TGFB1: variants seen among roughly 807,000 people sequenced by gnomAD.
TGFB1 encodes the protein transforming growth factor beta-1 proprotein.
TGFB1 carries 19 observed loss-of-function variants against 43.8 expected under a neutral mutation model. That is an observed-to-expected ratio of 0.43 (90% CI 0.30 to 0.64). The LOEUF is 0.64. Ranked by LOEUF, TGFB1 falls within the 30% of genes least tolerant of loss-of-function variation. TGFB1 has a pLI of 0.11. For synonymous variants in TGFB1, 221 were observed against 236.3 expected, an observed-to-expected ratio of 0.94 and a Z score of 0.60; for missense variants, 445 against 529.8, an observed-to-expected ratio of 0.84 and a Z score of 1.57.
At position 41,331,226 on chromosome 19, in the gene TGFB1, G is replaced by A. The variant is rs893399552; in HGVS notation, c.1015-16C>T. 2.0e-6 allele frequency: 3 copies of A among 1,506,112 alleles called. No individual in the cohort carries two copies. Among genetic ancestry groups the A allele is most frequent in the East Asian group, 2.5e-5 (1 of 39,620 alleles). The allele number at this position is 1,506,112 out of a possible 1,614,324, so 93.3% of individuals were successfully genotyped here. ...GGGCCAGGACCTGCGGGCGGCGGGC[G>A]GGGTCAGGGCTCAGGGCTCGTGGAG... is the stretch of plus-strand genomic sequence containing the variant. On this transcript the variant is annotated splice_polypyrimidine_tract_variant and intron_variant, in intron 6 of 6. Coordinates refer to ENST00000221930, the MANE Select transcript of TGFB1 (RefSeq NM_000660.7).
intron 1 of TGFB1, among the ~76,000 whole-genome samples, chr19:41,350,307 C>CTTTTT (rs55873066): frequency 5.0e-4 from 60 of 119,666 alleles, no homozygotes; most frequent in East Asian, 1.3e-3. Flanking sequence ...GTTTTCTTTT[C>CTTTTT]TTTTTTTTTT....
chr19:41,353,883 T>G lies in TGFB1; in HGVS notation c.-839A>C, dbSNP rs1468649504. The G allele has an allele frequency of 1.2e-5, 2 of 173,734 alleles. No individual in the cohort carries two copies. The highest frequency in any genetic ancestry group is 2.5e-5 in the African/African-American group (1 of 40,674). 10.8% of individuals were successfully genotyped at this position (173,734 alleles called of 1,614,324 possible). On this transcript the variant is annotated 5_prime_UTR_variant, in exon 1 of 7. Coordinates refer to ENST00000221930, the MANE Select transcript of TGFB1 (RefSeq NM_000660.7). This position sits in a 1 kb window ranked among gnomAD's most constrained non-coding sequence, Gnocchi z 5.9. ...TGTCTGGCTGCTCCGCGGAGGGAGGTGGGAGGGAGATGGCCCAGGGCGCGA... is the reference window on the plus strand; with the variant it reads ...TGTCTGGCTGCTCCGCGGAGGGAGGGGGGAGGGAGATGGCCCAGGGCGCGA...
At chr19:41,338,963 G>T (rs1324150150) in intron 5 of TGFB1, among the ~76,000 whole-genome samples, 1 of 144,078 alleles carries the variant, frequency 6.9e-6, no homozygotes, top group Non-Finnish European at 1.5e-5. Context: ...GGTTGCATGG[G>T]GGGTACGTGT....
chr19:41,334,339 G>A (rs2037966235), intron 5 of TGFB1, among the ~76,000 whole-genome samples: 1 of 151,558 alleles, frequency 6.6e-6, no homozygotes, highest in South Asian at 2.1e-4. Context: ...TCGTGCCACT[G>A]CACTCCACCC....
intron 1 of TGFB1, among the ~76,000 whole-genome samples, chr19:41,349,193 T>C (rs536691358): frequency 5.9e-5 from 9 of 152,324 alleles, no homozygotes; most frequent in African/African-American, 1.9e-4. Flanking sequence ...TGTGTGACCA[T>C]GGGCAGTTAA....
intron 5 of TGFB1, among the ~76,000 whole-genome samples, chr19:41,341,466 C>CA (rs770264069): frequency 0.031 from 1,075 of 34,688 alleles, 73 homozygotes; most frequent in African/African-American, 0.059. Context: ...GACTCTGTCT[C>CA]AAAAAAAAAA....
At chr19:41,352,559 C>T in intron 1 of TGFB1, 131 bp downstream of exon 1, 2 of 1,101,858 alleles carry the variant, frequency 1.8e-6, no homozygotes, top group Non-Finnish European at 2.7e-6. Flanking sequence ...CACCATCACA[C>T]GTTCCCTTTG....
rs549543575 is a variant in TGFB1, at chr19:41,342,496, C to T, written c.635-249G>A. Among the ~76,000 whole-genome samples the T allele has an allele frequency of 2.4e-4, 35 of 146,946 alleles. 1 individual carries two copies. Among genetic ancestry groups the T allele is most frequent in the Non-Finnish European group, 4.6e-4 (31 of 66,982 alleles). ...TCCCGAGTAGCTGGGACCACAGGCG[C>T]GTGCTACCACGCATGGCTAATTTTT... is the stretch of plus-strand genomic sequence containing the variant. On this transcript the variant is annotated intron_variant, in intron 3 of 6. Transcript: ENST00000221930.
chr19:41,350,916 G>A (rs1003850360), intron 1 of TGFB1: 2 of 152,492 alleles, frequency 1.3e-5, no homozygotes, highest in African/African-American at 4.8e-5. Context: ...GGAGGGAGAG[G>A]AAGGGTTGGA....
intron 5 of TGFB1, among the ~76,000 whole-genome samples, chr19:41,340,277 G>C (rs1201815028): frequency 2.0e-5 from 2 of 100,554 alleles, no homozygotes; most frequent in African/African-American, 7.6e-5. Flanking sequence ...TTTTTTTTTA[G>C]ATGGAGTCTC....
chr19:41,340,622 T>C (rs1203574529), intron 5 of TGFB1, among the ~76,000 whole-genome samples: 1 of 152,102 alleles, frequency 6.6e-6, no homozygotes, highest in African/African-American at 2.4e-5. Flanking sequence ...ATTCTAATAT[T>C]CTAACATTCC....
At chr19:41,351,510 C>A (rs1393038253) in intron 1 of TGFB1, among the ~76,000 whole-genome samples, 1 of 152,130 alleles carries the variant, frequency 6.6e-6, no homozygotes, top group East Asian at 1.9e-4. Context: ...CCGCCGGGGG[C>A]ATGGGAAGGA....
At chr19:41,334,227 T>C (rs1157500680) in intron 5 of TGFB1, among the ~76,000 whole-genome samples, 1 of 151,776 alleles carries the variant, frequency 6.6e-6, no homozygotes, top group African/African-American at 2.4e-5. Flanking sequence ...ATACAAAAAT[T>C]AGCTGGGTGT....
rs2038229640 is a variant in TGFB1, at chr19:41,352,955, T to C, written c.90A>G (p.Leu30=). The C allele has an allele frequency of 2.6e-6, 4 of 1,549,914 alleles. No individual in the cohort carries two copies. The highest frequency in any genetic ancestry group is 1.2e-5 in the South Asian group (1 of 84,876). ...VLTPGRPAAG[L]STCKTIDMEL... ...CCATGTCGATAGTCTTGCAGGTGGA[T>C]AGTCCCGCGGCCGGCCGGCCAGGCG... The change falls in exon 1 of 7, where the codon CTA becomes CTG. Residue 30 remains leucine, a synonymous_variant. Transcript: ENST00000221930.
At chr19:41,340,348 C>T (rs759507881) in intron 5 of TGFB1, among the ~76,000 whole-genome samples, 2 of 151,450 alleles carry the variant, frequency 1.3e-5, no homozygotes, top group Non-Finnish European at 2.9e-5. Flanking sequence ...CCTCCACCCC[C>T]GAGGTTCCAG....
intron 2 of TGFB1, among the ~76,000 whole-genome samples, chr19:41,346,420 T>C (rs557672478): frequency 9.2e-5 from 14 of 152,200 alleles, no homozygotes; most frequent in Non-Finnish European, 1.8e-4. Context: ...AGAATAAAGC[T>C]GAATTCCCCA....
In TGFB1 at chr19:41,344,880, G is replaced by A. The variant is rs540278600; in HGVS notation, c.517-16C>T. The A allele has an allele frequency of 6.4e-7, 1 of 1,566,834 alleles. No homozygotes were observed. The highest frequency in any genetic ancestry group is 1.9e-5 in the Admixed American group (1 of 52,474). On this transcript the variant is annotated splice_polypyrimidine_tract_variant and intron_variant, in intron 2 of 6. Transcript: ENST00000221930. Reference sequence around the variant, plus strand: ...TGCTGTATTTCTAGAGGATGATGAAGGCAGGAGAGAGACAGTGGGTAGATG... The same window carrying A: ...TGCTGTATTTCTAGAGGATGATGAAAGCAGGAGAGAGACAGTGGGTAGATG...
chr19:41,342,126 GCA>G, intron 4 of TGFB1, 42 bp downstream of exon 4: 5 of 1,610,990 alleles, frequency 3.1e-6, no homozygotes, highest in Non-Finnish European at 4.2e-6. Context: ...ACACACACAC[GCA>G]CACACGTCAC....
chr19:41,341,188 C>T (rs1053003849), intron 5 of TGFB1, among the ~76,000 whole-genome samples: 1 of 151,050 alleles, frequency 6.6e-6, no homozygotes, highest in Non-Finnish European at 1.5e-5. Context: ...AAAATTAGGC[C>T]GGGCGCGTTG....
Sources: allele counts gnomAD v4.1 joint callset (sites outside exome capture counted in the v4.1 genomes callset), GRCh38; gene constraint gnomAD v4.1.1; non-coding constraint Gnocchi (gnomAD v3.1); transcripts MANE v1.5; gene names NCBI Gene and HGNC (gene_info 2026-07-23, HGNC 2026-07-21).